The following CWH43 variants were observed in gnomAD, a reference collection of about 807,000 sequenced individuals.
CWH43 encodes the protein cell wall biogenesis 43 C-terminal homolog, also known as PGAP2-interacting protein.
In CWH43, 91 loss-of-function variants were observed where a neutral mutation model predicts 85.7. That is an observed-to-expected ratio of 1.06 (90% CI 0.90 to 1.26). CWH43 has a LOEUF of 1.26. Ranked by LOEUF, CWH43 falls within the 50% of genes most tolerant of loss-of-function variation. The pLI, the probability that CWH43 is intolerant of heterozygous loss-of-function variation, is 0.00. For missense variants in CWH43, 869 were observed against 839.2 expected, an observed-to-expected ratio of 1.04 and a Z score of -0.44; for synonymous variants, 323 against 293.6, an observed-to-expected ratio of 1.10 and a Z score of -1.02.
chr4:49,005,777 G>A (rs1015302807), intron 7 of CWH43, among the ~76,000 whole-genome samples: 8 of 151,846 alleles, frequency 5.3e-5, no homozygotes, highest in African/African-American at 7.3e-5. Context: ...CTGGGCTTAC[G>A]CAATTCTCTT....
chr4:49,004,577 CAG>C (rs1281007333), intron 7 of CWH43, among the ~76,000 whole-genome samples: 1 of 152,082 alleles, frequency 6.6e-6, no homozygotes, highest in East Asian at 1.9e-4. Context: ...TTTGTAGAGA[CAG>C]GGGTCTTGCT....
chr4:48,986,846 T>C, intron 1 of CWH43: 1 of 1,025,414 alleles, frequency 9.8e-7, no homozygotes, highest in South Asian at 4.5e-5. Context: ...AGTTCAGTGC[T>C]GAACTTTAAA....
At chr4:49,047,710 G>A (rs548528843) in intron 14 of CWH43, among the ~76,000 whole-genome samples, 81 of 152,164 alleles carry the variant, frequency 5.3e-4, no homozygotes, top group African/African-American at 1.0e-3. Flanking sequence ...GCCGAGGAGG[G>A]AAGGAGAGAG....
intron 14 of CWH43, among the ~76,000 whole-genome samples, chr4:49,047,389 T>C (rs1784655469): frequency 6.6e-6 from 1 of 152,116 alleles, no homozygotes; most frequent in African/African-American, 2.4e-5. Flanking sequence ...ACAAAAATCA[T>C]GATAAATAAT....
At chr4:49,010,804 C>G (rs1171726458) in intron 8 of CWH43, among the ~76,000 whole-genome samples, 1 of 152,126 alleles carries the variant, frequency 6.6e-6, no homozygotes, top group Non-Finnish European at 1.5e-5. Flanking sequence ...GTTTCTTAAT[C>G]CTGAATTCTA....
At chr4:49,015,531 T>C (rs1783518625) in intron 8 of CWH43, among the ~76,000 whole-genome samples, 1 of 152,172 alleles carries the variant, frequency 6.6e-6, no homozygotes, top group African/African-American at 2.4e-5. Context: ...GCAGATTTTT[T>C]CCTCCATCTT....
chr4:49,042,644 A>T (rs1784498983), intron 13 of CWH43, among the ~76,000 whole-genome samples: 1 of 152,126 alleles, frequency 6.6e-6, no homozygotes, highest in African/African-American at 2.4e-5. Flanking sequence ...AGAAGTGCAA[A>T]TTAGAGTGCT....
chr4:49,057,965 C>A (rs993813457), intron 15 of CWH43, among the ~76,000 whole-genome samples: 3 of 152,140 alleles, frequency 2.0e-5, no homozygotes, highest in African/African-American at 7.2e-5. Flanking sequence ...AATATCTTTC[C>A]AAACCTTCGC....
At chr4:49,017,427 T>A in intron 9 of CWH43, 99 bp downstream of exon 9, 2 of 795,156 alleles carry the variant, frequency 2.5e-6, no homozygotes, top group East Asian at 2.7e-5. Flanking sequence ...ATCTGATGAC[T>A]TCAGAGCCCT....
At chr4:48,995,802 C>G (rs1463695065) in intron 5 of CWH43, among the ~76,000 whole-genome samples, 1 of 152,174 alleles carries the variant, frequency 6.6e-6, no homozygotes, top group Non-Finnish European at 1.5e-5. Context: ...TCCCTAAGTT[C>G]ATCTGCCTTA....
chr4:49,027,003 G>A (rs533755845), intron 9 of CWH43, among the ~76,000 whole-genome samples: 2 of 152,288 alleles, frequency 1.3e-5, no homozygotes, highest in Admixed American at 1.3e-4. Context: ...ACATTCTCAT[G>A]CTGATTTTAT....
At chr4:49,036,913 C>T (rs1224752879) in intron 12 of CWH43, among the ~76,000 whole-genome samples, 1 of 152,164 alleles carries the variant, frequency 6.6e-6, no homozygotes, top group Non-Finnish European at 1.5e-5. Context: ...GCTACATCTC[C>T]CACTAGTCGG....
chr4:49,057,199 G>T (rs1194112715), intron 15 of CWH43, among the ~76,000 whole-genome samples: 1 of 152,172 alleles, frequency 6.6e-6, no homozygotes, highest in Admixed American at 6.5e-5. Flanking sequence ...AGGTCCTGAC[G>T]ACATGTGCCT....
At chr4:49,048,010 C>G (rs887149341) in intron 14 of CWH43, among the ~76,000 whole-genome samples, 2 of 152,102 alleles carry the variant, frequency 1.3e-5, no homozygotes, top group African/African-American at 4.8e-5. Context: ...AGAGAAGGTG[C>G]TGAAGGGTGA....
chr4:49,061,506 C>T (rs562861615), intron 15 of CWH43, among the ~76,000 whole-genome samples: 1 of 152,284 alleles, frequency 6.6e-6, no homozygotes, highest in Non-Finnish European at 1.5e-5. Flanking sequence ...AATAGCATTT[C>T]AGGCTTAATG....
chr4:49,042,373 G>A (rs1330375733), intron 13 of CWH43, among the ~76,000 whole-genome samples: 1 of 152,196 alleles, frequency 6.6e-6, no homozygotes, highest in Admixed American at 6.5e-5. Flanking sequence ...TGATTTCTGG[G>A]TCTGGTCAGA....
chr4:49,049,324 C>T (rs936766884), intron 14 of CWH43, among the ~76,000 whole-genome samples: 2 of 152,162 alleles, frequency 1.3e-5, no homozygotes, highest in Non-Finnish European at 2.9e-5. Flanking sequence ...CATGGAGTTA[C>T]AGGCATAGGC....
intron 6 of CWH43, 142 bp from the exon 7 acceptor site, chr4:49,003,593 C>T (rs1783060169): frequency 1.3e-6 from 1 of 774,982 alleles, no homozygotes; most frequent in East Asian, 2.5e-5. Flanking sequence ...TCACATTAAC[C>T]TTGTCAGATC....
intron 12 of CWH43, 28 bp from the exon 13 acceptor site, chr4:49,038,008 T>TA (rs778849286): frequency 1.3e-6 from 2 of 1,581,544 alleles, no homozygotes; most frequent in East Asian, 4.5e-5. Flanking sequence ...ACAAATACAA[T>TA]AAAGGGTCAT....
Sources: gnomAD v4.1 joint callset for allele counts (sites outside exome capture counted in the v4.1 genomes callset) on GRCh38, gnomAD v4.1.1 for gene constraint, MANE v1.5 for transcripts, NCBI Gene and HGNC (gene_info 2026-07-23, HGNC 2026-07-21) for gene names.